Variants in SGMS1 observed in about 807,000 individuals in gnomAD.
The protein encoded by SGMS1 is sphingomyelin synthase 1.
SGMS1 carries 13 observed loss-of-function variants against 46.2 expected under a neutral mutation model. The observed-to-expected ratio is 0.28, with a 90% CI of 0.18 to 0.45. SGMS1 has a LOEUF of 0.45. Among genes scored for constraint, SGMS1 ranks in the 20% least tolerant of loss-of-function variants. The pLI is 1.00. For synonymous variants in SGMS1, 203 were observed against 187.8 expected (o/e 1.08, Z -0.66); for missense variants, 324 against 519.9 (o/e 0.62, Z 3.66).
At chr10:50,417,187 C>A (rs925027229) in intron 6 of SGMS1, among the ~76,000 whole-genome samples, 1 of 152,118 alleles carries the variant, frequency 6.6e-6, no homozygotes, top group Admixed American at 6.5e-5. Flanking sequence ...CCCCTACTTC[C>A]CCAAACTCTT....
chr10:50,468,424 A>G (rs1262681802), intron 3 of SGMS1, among the ~76,000 whole-genome samples: 1 of 152,280 alleles, frequency 6.6e-6, no homozygotes, highest in African/African-American at 2.4e-5. Flanking sequence ...CTTCTGAATT[A>G]CCAGAAAGTG....
rs370544547 is a variant in SGMS1 at position 50,411,403 on chromosome 10, C to A, written c.-232+22073G>T. Among the ~76,000 whole-genome samples the A allele has an allele frequency of 6.4e-4, 97 of 152,274 alleles. No homozygotes were observed. The East Asian group carries it at 0.012, about 19-fold the overall frequency. On this transcript the variant is annotated intron_variant, in intron 6 of 10. Transcript: ENST00000361781. ...TTCAAAAGGGGGGAAAAAAACAATT[C>A]TATTTTTACATCTGTTAACTCAGCA...
At chr10:50,408,358 T>C (rs116648896) in intron 6 of SGMS1, among the ~76,000 whole-genome samples, 2,251 of 145,016 alleles carry the variant, frequency 0.016, 60 homozygotes, top group African/African-American at 0.055. Context: ...ATCCCAATAC[T>C]CTGGGAGGCA....
At chr10:50,534,905 C>A (rs1837986269) in intron 2 of SGMS1, among the ~76,000 whole-genome samples, 1 of 152,150 alleles carries the variant, frequency 6.6e-6, no homozygotes, top group Non-Finnish European at 1.5e-5. Flanking sequence ...ATCAGACATG[C>A]AGACATTGCT....
intron 8 of SGMS1, 26 bp downstream of exon 8, chr10:50,327,179 C>G (rs2246994): frequency 0.57 from 793,800 of 1,392,598 alleles, 231,912 homozygotes; most frequent in African/African-American, 0.86. Flanking sequence ...AAACAGAAAG[C>G]GAAATTACAG....
At chr10:50,490,059 C>T (rs1837554982) in intron 3 of SGMS1, among the ~76,000 whole-genome samples, 1 of 152,146 alleles carries the variant, frequency 6.6e-6, no homozygotes, top group African/African-American at 2.4e-5. Context: ...AGAAATGGCC[C>T]TAGTCTCAAG....
intron 6 of SGMS1, among the ~76,000 whole-genome samples, chr10:50,408,440 AAAAAAAAAAAAAAAAC>A (rs1849048973): frequency 6.7e-6 from 1 of 149,792 alleles, no homozygotes; most frequent in African/African-American, 2.5e-5. Flanking sequence ...TTAAAAAAAA[AAAAAAAAAAAAAAAAC>A]AAAATAAAAA....
chr10:50,380,926 GC>G (rs1848594284), intron 6 of SGMS1, among the ~76,000 whole-genome samples: 1 of 151,678 alleles, frequency 6.6e-6, no homozygotes, highest in South Asian at 2.1e-4. Context: ...ACCTCTTGGG[GC>G]CCAAATGATC....
intron 6 of SGMS1, among the ~76,000 whole-genome samples, chr10:50,347,976 G>C (rs1031171144): frequency 5.9e-5 from 9 of 152,142 alleles, no homozygotes; most frequent in Non-Finnish European, 1.2e-4. Context: ...CCATCATCTA[G>C]GTTTTAAGCC....
intron 1 of SGMS1, among the ~76,000 whole-genome samples, chr10:50,617,127 G>A (rs1259198820): frequency 6.6e-6 from 1 of 152,096 alleles, no homozygotes; most frequent in Non-Finnish European, 1.5e-5. Flanking sequence ...CGCAAGTAAT[G>A]GGGACAGTTT....
intron 6 of SGMS1, among the ~76,000 whole-genome samples, chr10:50,353,362 G>A (rs1012851124): frequency 2.6e-5 from 4 of 152,300 alleles, no homozygotes; most frequent in African/African-American, 9.6e-5. Flanking sequence ...AACAGATGCA[G>A]AAAAGGCCTT....
At chr10:50,435,274 T>C (rs570798105) in intron 5 of SGMS1, among the ~76,000 whole-genome samples, 9 of 152,346 alleles carry the variant, frequency 5.9e-5, no homozygotes, top group South Asian at 4.1e-4. Context: ...AGAGTAGTTA[T>C]ATAACTTAAA....
chr10:50,397,888 T>C (rs1589423275), intron 6 of SGMS1, among the ~76,000 whole-genome samples: 1 of 152,190 alleles, frequency 6.6e-6, no homozygotes, highest in Admixed American at 6.5e-5. Context: ...GAAGGGCTGA[T>C]GGTGACAGAA....
chr10:50,416,701 A>G (rs933589944), intron 6 of SGMS1, among the ~76,000 whole-genome samples: 1 of 152,174 alleles, frequency 6.6e-6, no homozygotes, highest in African/African-American at 2.4e-5. Context: ...TCGGAGCAAA[A>G]GGGCTTAACA....
At chr10:50,478,301 A>G (rs1010236966) in intron 3 of SGMS1, among the ~76,000 whole-genome samples, 2 of 152,226 alleles carry the variant, frequency 1.3e-5, no homozygotes, top group East Asian at 3.9e-4. Flanking sequence ...AAGAAATAAA[A>G]TATTTTTGTC....
At chr10:50,417,816 C>T (rs1849195616) in intron 6 of SGMS1, among the ~76,000 whole-genome samples, 1 of 152,194 alleles carries the variant, frequency 6.6e-6, no homozygotes, top group African/African-American at 2.4e-5. Flanking sequence ...GTTAGCATCA[C>T]GCAATATAAA....
intron 6 of SGMS1, among the ~76,000 whole-genome samples, chr10:50,350,884 C>G (rs964592536): frequency 2.0e-5 from 3 of 152,164 alleles, no homozygotes; most frequent in African/African-American, 7.2e-5. Flanking sequence ...TCAGAGCCCC[C>G]ACATAGAGTT....
chr10:50,347,112 T>A (rs547309047), intron 6 of SGMS1, among the ~76,000 whole-genome samples: 1 of 152,282 alleles, frequency 6.6e-6, no homozygotes, highest in South Asian at 2.1e-4. Flanking sequence ...CCGTGCACTT[T>A]CCCTGTCACA....
chr10:50,405,690 G>A (rs1849004652), intron 6 of SGMS1, among the ~76,000 whole-genome samples: 1 of 152,022 alleles, frequency 6.6e-6, no homozygotes, highest in Non-Finnish European at 1.5e-5. Context: ...AAATCTTTTG[G>A]CAAATATTTA....
Sources: allele counts gnomAD v4.1 joint callset (sites outside exome capture counted in the v4.1 genomes callset), GRCh38; gene constraint gnomAD v4.1.1; transcripts MANE v1.5; gene names NCBI Gene and HGNC (gene_info 2026-07-23, HGNC 2026-07-21).